The following BCAS3 variants were observed in gnomAD, a reference collection of about 807,000 sequenced individuals.
BCAS3 encodes BCAS4/BCAS3 fusion.
BCAS3 carries 53 observed loss-of-function variants against 116.1 expected under a neutral mutation model. The observed-to-expected ratio is 0.46, with a 90% CI of 0.37 to 0.57. BCAS3 has a LOEUF of 0.57. BCAS3 is among the 20% of genes least tolerant of loss of function. BCAS3 has a pLI of 0.00. For synonymous variants in BCAS3, 391 were observed against 408.2 expected, an observed-to-expected ratio of 0.96 and a Z score of 0.51; for missense variants, 917 against 1,165.4, an observed-to-expected ratio of 0.79 and a Z score of 3.10.
In BCAS3 at chr17:61,366,960, C is replaced by T. The variant is rs1316193308; in HGVS notation, c.2426-1367C>T. Among the ~76,000 whole-genome samples the T allele has an allele frequency of 6.6e-6, 1 of 152,184 alleles. No homozygotes were observed. The highest frequency in any genetic ancestry group is 6.5e-5 in the Admixed American group (1 of 15,276). On this transcript the variant is annotated intron_variant, in intron 22 of 23. Coordinates refer to ENST00000407086, the MANE Select transcript of BCAS3 (RefSeq NM_017679.5). The surrounding 1 kb of genome is among the most constrained non-coding windows in gnomAD (Gnocchi z 4.5). ...GCTGATGTATGGAGTCACCGGCTGT[C>T]GGAGTGTTTACTAACGGTTATCACC...
chr17:61,043,623 T>C (rs1052786459), intron 19 of BCAS3, among the ~76,000 whole-genome samples: 1 of 151,900 alleles, frequency 6.6e-6, no homozygotes, highest in Non-Finnish European at 1.5e-5. Context: ...TTAGGTTAAT[T>C]GGCATGGCTA....
chr17:60,986,388 C>G (rs1260158812), intron 14 of BCAS3, among the ~76,000 whole-genome samples: 1 of 152,120 alleles, frequency 6.6e-6, no homozygotes, highest in Non-Finnish European at 1.5e-5. Flanking sequence ...TACGGTAGCT[C>G]TAGTTGTAGT....
chr17:60,683,505 CTTTTTTTTTTTTTTTTTTT>C (rs138663451), intron 2 of BCAS3, among the ~76,000 whole-genome samples: 55 of 44,488 alleles, frequency 1.2e-3, no homozygotes, highest in African/African-American at 2.2e-3. Context: ...AAGAGTTAGC[CTTTTTTTTTTTTTTTTTTT>C]TTTTTTTTTT....
intron 7 of BCAS3, among the ~76,000 whole-genome samples, chr17:60,848,568 TAC>T: frequency 6.6e-6 from 1 of 152,234 alleles, no homozygotes; most frequent in East Asian, 1.9e-4. Context: ...GATCTTTCAG[TAC>T]AGTGTTGAAT....
intron 7 of BCAS3, among the ~76,000 whole-genome samples, chr17:60,821,466 C>G (rs900516843): frequency 2.6e-5 from 4 of 152,262 alleles, no homozygotes; most frequent in Admixed American, 1.3e-4. Flanking sequence ...CAATGAACAT[C>G]TTATTCCCCA....
chr17:60,775,067 G>T (rs972998184), intron 6 of BCAS3, among the ~76,000 whole-genome samples: 1 of 151,902 alleles, frequency 6.6e-6, no homozygotes, highest in African/African-American at 2.4e-5. Context: ...TATAAATAAA[G>T]AAAAAAATAA....
At chr17:61,159,157 C>A (rs1314506150) in intron 22 of BCAS3, among the ~76,000 whole-genome samples, 2 of 152,100 alleles carry the variant, frequency 1.3e-5, no homozygotes, top group Non-Finnish European at 1.5e-5. Context: ...GAATTACACA[C>A]AGAAGCAGAA....
chr17:61,110,971 G>A (rs567472195), intron 22 of BCAS3, among the ~76,000 whole-genome samples: 21 of 152,266 alleles, frequency 1.4e-4, no homozygotes, highest in East Asian at 1.2e-3. Flanking sequence ...CCCCAGCAGG[G>A]GCACACTGAC....
At chr17:60,781,381 T>C (rs931337637) in intron 6 of BCAS3, among the ~76,000 whole-genome samples, 1 of 151,988 alleles carries the variant, frequency 6.6e-6, no homozygotes, top group African/African-American at 2.4e-5. Context: ...GAAGGATCAC[T>C]TGAGATTAGG....
At chr17:60,719,290 A>T (rs1727871679) in intron 5 of BCAS3, among the ~76,000 whole-genome samples, 1 of 152,210 alleles carries the variant, frequency 6.6e-6, no homozygotes, top group Admixed American at 6.5e-5. Flanking sequence ...AAGTGCAGAA[A>T]ATGAGAGTAA....
chr17:60,886,732 G>A (rs1221508137), intron 9 of BCAS3, among the ~76,000 whole-genome samples: 1 of 152,028 alleles, frequency 6.6e-6, no homozygotes, highest in Non-Finnish European at 1.5e-5. Flanking sequence ...CTCCTGCTGG[G>A]GGGTGCCTCC....
intron 22 of BCAS3, among the ~76,000 whole-genome samples, chr17:61,207,591 T>A (rs2144315281): frequency 6.6e-6 from 1 of 152,086 alleles, no homozygotes. Context: ...TCCCTATGGA[T>A]GTTGTCTAAC....
At chr17:60,923,343 T>C (rs2059202867) in intron 12 of BCAS3, among the ~76,000 whole-genome samples, 1 of 152,216 alleles carries the variant, frequency 6.6e-6, no homozygotes, top group African/African-American at 2.4e-5. Flanking sequence ...GTTGTATCTT[T>C]GTAAAGCTTT....
At chr17:61,288,682 C>T (rs1432782699) in intron 22 of BCAS3, among the ~76,000 whole-genome samples, 9 of 152,148 alleles carry the variant, frequency 5.9e-5, no homozygotes, top group African/African-American at 1.9e-4. Context: ...CAAGATATGG[C>T]GCACTGAAGG....
chr17:60,808,220 G>A (rs914660656), intron 7 of BCAS3, 144 bp downstream of exon 7: 6 of 590,118 alleles, frequency 1.0e-5, no homozygotes, highest in African/African-American at 1.9e-5. Flanking sequence ...ACATATTTAG[G>A]GTTTCCAACA....
chr17:61,332,207 C>T lies in BCAS3; in HGVS notation c.2426-36120C>T, dbSNP rs1390599467. 2.0e-5 allele frequency among the ~76,000 whole-genome samples: 3 copies of T among 152,178 alleles called. No homozygotes were observed. Among genetic ancestry groups the T allele is most frequent in the African/African-American group, 7.2e-5 (3 of 41,454 alleles). The stretch of plus-strand genomic sequence containing the variant: ...CCTGGATGGCTTCTCTTCTATGTTT[C>T]GGGGACATGAGAAGAAGGCATTCTT... On this transcript the variant is annotated intron_variant, in intron 22 of 23. Transcript: ENST00000407086. The surrounding 1 kb of genome is among the most constrained non-coding windows in gnomAD (Gnocchi z 5.4).
intron 22 of BCAS3, among the ~76,000 whole-genome samples, chr17:61,149,591 A>G (rs1004952138): frequency 6.6e-6 from 1 of 152,178 alleles, no homozygotes; most frequent in Non-Finnish European, 1.5e-5. Flanking sequence ...AGATTTGTGA[A>G]CAGGGGCAAG....
intron 19 of BCAS3, among the ~76,000 whole-genome samples, chr17:61,067,415 C>T (rs2070794718): frequency 6.7e-6 from 1 of 149,236 alleles, no homozygotes; most frequent in Non-Finnish European, 1.5e-5. Context: ...TACACATACT[C>T]ACATATGAAA....
At chr17:60,876,437 T>C (rs1599358545) in intron 9 of BCAS3, among the ~76,000 whole-genome samples, 1 of 152,000 alleles carries the variant, frequency 6.6e-6, no homozygotes, top group African/African-American at 2.4e-5. Flanking sequence ...GTAATTCTTA[T>C]ATGAAATCTT....
Sources: gnomAD v4.1 joint callset for allele counts (sites outside exome capture counted in the v4.1 genomes callset) on GRCh38, gnomAD v4.1.1 for gene constraint, Gnocchi (gnomAD v3.1) non-coding constraint, MANE v1.5 for transcripts, NCBI Gene and HGNC (gene_info 2026-07-23, HGNC 2026-07-21) for gene names.